The following PIGN variants were observed in gnomAD, a reference collection of about 807,000 sequenced individuals.
PIGN encodes the protein phosphatidylinositol glycan anchor biosynthesis class N, also known as GPI ethanolamine phosphate transferase 1.
A neutral mutation model predicts 125.4 loss-of-function variants in PIGN; 117 were observed. That is an observed-to-expected ratio of 0.93 (90% confidence interval 0.80 to 1.09). The LOEUF is 1.09. Ranked by LOEUF, PIGN falls within the 50% of genes least tolerant of loss-of-function variation. The pLI, the probability that PIGN is intolerant of heterozygous loss-of-function variation, is 0.00. For missense variants in PIGN, 1,075 were observed against 1,094.9 expected, an observed-to-expected ratio of 0.98 and a Z score of 0.26; for synonymous variants, 392 against 377.8, an observed-to-expected ratio of 1.04 and a Z score of -0.44.
At chr18:62,125,236 AT>A (rs1420153306) in intron 14 of PIGN, among the ~76,000 whole-genome samples, 5 of 145,250 alleles carry the variant, frequency 3.4e-5, no homozygotes, top group Admixed American at 7.0e-5. Context: ...ATATGTGTAT[AT>A]AAATATACAC....
chr18:62,072,611 A>T, intron 30 of PIGN, 62 bp downstream of exon 30: 1 of 1,314,260 alleles, frequency 7.6e-7, no homozygotes, highest in South Asian at 1.3e-5. Flanking sequence ...GAAATTGCCT[A>T]ACAATATATT....
At chr18:62,033,497 G>A (rs1014994332) in intron 23 of PIGN, among the ~76,000 whole-genome samples, 2 of 152,322 alleles carry the variant, frequency 1.3e-5, no homozygotes, top group East Asian at 1.9e-4. Flanking sequence ...GTTTAGTTCA[G>A]TGCCTTACAC....
Position 62,154,594 on chromosome 18 carries a change from C to A in PIGN, c.500G>T (p.Gly167Val), listed in dbSNP as rs1414861649. 1.9e-6 allele frequency: 3 copies of A among 1,597,448 alleles called. No individual in the cohort carries two copies. The highest frequency in any genetic ancestry group is 2.6e-6 in the Non-Finnish European group (3 of 1,165,862). Reference sequence around the variant, plus strand: ...ATCCAGTTTTGTTGCATCTTGAGCACCAAAATCCTCTCTTTTAGCATCATA... The same window carrying A: ...ATCCAGTTTTGTTGCATCTTGAGCAACAAAATCCTCTCTTTTAGCATCATA... The part of the protein sequence containing the change: ...YSYDAKREDF[G>V]AQDATKLDTW... Residue 167 changes from glycine to valine, a missense_variant, in exon 7 of 31, where the codon GGT becomes GTT. This residue lies in a region of PIGN where 915 missense variants were observed against 908.7 expected (regional missense o/e 1.01). Transcript: ENST00000640252.
At chr18:62,129,733 A>G (rs1255975119) in intron 14 of PIGN, among the ~76,000 whole-genome samples, 1 of 152,188 alleles carries the variant, frequency 6.6e-6, no homozygotes, top group Non-Finnish European at 1.5e-5. Flanking sequence ...GGAAAACAAT[A>G]AATACTGGTT....
chr18:62,162,068 G>T (rs1302628272), intron 3 of PIGN, among the ~76,000 whole-genome samples, 185 bp downstream of exon 3: 1 of 151,964 alleles, frequency 6.6e-6, no homozygotes, highest in African/African-American at 2.4e-5. Context: ...AATCAAAAAG[G>T]TTATGTTTTA....
chr18:62,065,740 A>T (rs2032480859), intron 30 of PIGN, among the ~76,000 whole-genome samples: 1 of 152,278 alleles, frequency 6.6e-6, no homozygotes, highest in Non-Finnish European at 1.5e-5. Context: ...CGTCTCCAAA[A>T]AAAAATAAAA....
chr18:62,170,324 A>G (rs1246060300), intron 1 of PIGN, among the ~76,000 whole-genome samples: 1 of 152,172 alleles, frequency 6.6e-6, no homozygotes, highest in African/African-American at 2.4e-5. Context: ...GCAACCCAGC[A>G]TTGAGCAAGT....
chr18:62,062,299 T>C (rs1164509647), intron 30 of PIGN, among the ~76,000 whole-genome samples: 1 of 152,158 alleles, frequency 6.6e-6, no homozygotes, highest in African/African-American at 2.4e-5. Flanking sequence ...CAGGAATGAC[T>C]AAGAGAATAT....
chr18:62,097,332 A>G (rs1599511221), intron 22 of PIGN, among the ~76,000 whole-genome samples: 1 of 135,706 alleles, frequency 7.4e-6, no homozygotes, highest in Non-Finnish European at 1.6e-5. Flanking sequence ...AATGCTCATC[A>G]TCACTGGCCA....
At chr18:62,038,659 A>C (rs2030294499), downstream of PIGN, among the ~76,000 whole-genome samples, 1 of 152,222 alleles carries the variant, frequency 6.6e-6, no homozygotes. Context: ...TTGGCTGGGC[A>C]CAGTGGCTCG....
intron 23 of PIGN, 125 bp from the exon 24 acceptor site, chr18:62,090,703 C>A: frequency 1.8e-6 from 1 of 559,168 alleles, no homozygotes; most frequent in Non-Finnish European, 3.1e-6. Context: ...CACAATATTA[C>A]AAAACTTAAG....
chr18:62,148,249 T>C lies in PIGN; in HGVS notation c.639A>G (p.Ile213Met). The change falls in exon 8 of 31, where the codon ATA becomes ATG. Residue 213 changes from isoleucine to methionine, a missense_variant. Around this residue, in one of 3 missense-constraint regions of PIGN, gnomAD observed 915 missense variants for 908.7 expected, o/e 1.01. Coordinates refer to ENST00000640252, the MANE Select transcript of PIGN (RefSeq NM_176787.5). ...GTCGATGAGCATGTCCGTTTGTATC[T>C]ATTCCTAATAAATGTAAGAAAAAAA... ...KIVFFLHLLG[I>M]DTNGHAHRPS... The C allele has an allele frequency of 6.5e-7, 1 of 1,541,734 alleles. No homozygotes were observed. The highest frequency in any genetic ancestry group is 1.2e-5 in the South Asian group (1 of 81,416).
At chr18:62,094,711 T>A (rs560822214) in intron 23 of PIGN, among the ~76,000 whole-genome samples, 4 of 152,322 alleles carry the variant, frequency 2.6e-5, no homozygotes, top group Admixed American at 2.6e-4. Context: ...AAGGTCTAAA[T>A]CTCAAAGGAA....
rs964763944 is a variant in PIGN at position 62,045,117 on chromosome 18, AT to A, written c.*738del. ...TGGGGTAACAGATGTTGAGCCTACA[AT>A]TAAAAACTATTTATTTTAAATGTTT... On this transcript the variant is annotated 3_prime_UTR_variant, in exon 31 of 31. Coordinates refer to ENST00000640252, the MANE Select transcript of PIGN (RefSeq NM_176787.5). The A allele has an allele frequency of 2.6e-4, 40 of 152,316 alleles. No homozygotes were observed. The highest frequency in any genetic ancestry group is 8.2e-4 in the African/African-American group (34 of 41,582). The allele number at this position is 152,316 out of a possible 1,614,324, so 9.4% of individuals were successfully genotyped here. A position where few individuals can be genotyped will look rare whatever the true frequency, so the allele number is the denominator to read the frequency against.
chr18:62,051,540 T>C (rs2145145326), intron 30 of PIGN, among the ~76,000 whole-genome samples: 1 of 152,330 alleles, frequency 6.6e-6, no homozygotes, highest in South Asian at 2.1e-4. Context: ...GTGGGATTGG[T>C]GGTGATTTCC....
At chr18:62,115,479 A>T (rs1233652740) in intron 14 of PIGN, among the ~76,000 whole-genome samples, 1 of 152,172 alleles carries the variant, frequency 6.6e-6, no homozygotes, top group Non-Finnish European at 1.5e-5. Context: ...TTAAGGCTAT[A>T]TTAGGTTGGA....
At chr18:62,130,498 A>G (rs530644285) in intron 14 of PIGN, among the ~76,000 whole-genome samples, 11 of 151,954 alleles carry the variant, frequency 7.2e-5, no homozygotes, top group African/African-American at 2.7e-4. Context: ...TATTGAAAAT[A>G]TCAAGTTTTA....
At chr18:62,084,375 T>G (rs1255893649) in intron 27 of PIGN, among the ~76,000 whole-genome samples, 156 bp downstream of exon 27, 1 of 152,194 alleles carries the variant, frequency 6.6e-6, no homozygotes, top group Non-Finnish European at 1.5e-5. Context: ...AGATTAACTG[T>G]GGTTTGGAGT....
intron 30 of PIGN, among the ~76,000 whole-genome samples, chr18:62,056,420 C>G (rs62095267): frequency 0.51 from 78,012 of 151,674 alleles, 22,031 homozygotes; most frequent in East Asian, 0.71. Context: ...TTGCACACTT[C>G]TGAGTTATTC....
Sources: allele counts gnomAD v4.1 joint callset (sites outside exome capture counted in the v4.1 genomes callset), GRCh38; gene constraint gnomAD v4.1.1; regional missense constraint gnomAD v4.1.1; transcripts MANE v1.5; gene names NCBI Gene and HGNC (gene_info 2026-07-23, HGNC 2026-07-21).